Variants in EPHA6 observed in about 807,000 individuals in gnomAD.
The protein encoded by EPHA6 is ephrin type-A receptor 6.
EPHA6 carries 50 observed loss-of-function variants against 112.0 expected under a neutral mutation model. The observed-to-expected ratio is 0.45, with a 90% CI of 0.36 to 0.56. The LOEUF (loss-of-function observed/expected upper bound fraction) is 0.56, where lower values mean the gene tolerates loss of function less well. Ranked by LOEUF, EPHA6 falls within the 20% of genes least tolerant of loss-of-function variation. EPHA6 has a pLI of 0.00. For missense variants in EPHA6, 1,280 were observed against 1,417.4 expected (o/e 0.90, Z 1.56); for synonymous variants, 529 against 490.7 (o/e 1.08, Z -1.03).
At chr3:97,085,946 T>TAC (rs1553701207) in intron 3 of EPHA6, among the ~76,000 whole-genome samples, 3 of 145,048 alleles carry the variant, frequency 2.1e-5, no homozygotes, top group Non-Finnish European at 4.4e-5. Context: ...TATATATATA[T>TAC]ATACACACTG....
chr3:97,591,459 C>G (rs553175127), intron 11 of EPHA6, among the ~76,000 whole-genome samples: 1 of 152,118 alleles, frequency 6.6e-6, no homozygotes, highest in South Asian at 2.1e-4. Flanking sequence ...AAAGGAAAGA[C>G]CCCAGGATTC....
intron 13 of EPHA6, among the ~76,000 whole-genome samples, chr3:97,617,953 T>C (rs893597018): frequency 2.0e-5 from 3 of 152,152 alleles, no homozygotes; most frequent in Non-Finnish European, 4.4e-5. Flanking sequence ...TAAAGACCTC[T>C]CCACTCCAAT....
intron 11 of EPHA6, among the ~76,000 whole-genome samples, chr3:97,545,360 A>G (rs1322018864): frequency 6.6e-6 from 1 of 152,078 alleles, no homozygotes; most frequent in Non-Finnish European, 1.5e-5. Context: ...TTCAGTTTCC[A>G]TGTAGTTTAG....
rs537640548 is a variant in EPHA6, at chr3:97,407,843, C to T, written c.1731+2569C>T. Among the ~76,000 whole-genome samples, 4 of 152,154 alleles carry T rather than the reference C, an allele frequency of 2.6e-5. No individual in the cohort carries two copies. In the East Asian group the frequency reaches 7.7e-4, roughly 29 times the overall value. ...TCTGCTCCCAACTTCTCAGTCCTCC[C>T]CTTCAAAACAGTCCAAACCCGCTTC... is the stretch of plus-strand genomic sequence containing the variant. On this transcript the variant is annotated intron_variant, in intron 6 of 17. Coordinates refer to ENST00000389672, the MANE Select transcript of EPHA6 (RefSeq NM_001080448.3).
At chr3:97,715,448 T>C (rs2034172269) in intron 14 of EPHA6, among the ~76,000 whole-genome samples, 1 of 152,222 alleles carries the variant, frequency 6.6e-6, no homozygotes, top group African/African-American at 2.4e-5. Flanking sequence ...TAGTATAATA[T>C]ATACTCATTA....
intron 2 of EPHA6, among the ~76,000 whole-genome samples, chr3:96,906,237 CTCTG>C (rs2038928094): frequency 6.6e-6 from 1 of 152,032 alleles, no homozygotes; most frequent in African/African-American, 2.4e-5. Context: ...TACTTTCTCT[CTCTG>C]TCTCTTTGTT....
At chr3:97,517,831 C>A (rs1466351792) in intron 10 of EPHA6, among the ~76,000 whole-genome samples, 1 of 152,030 alleles carries the variant, frequency 6.6e-6, no homozygotes, top group African/African-American at 2.4e-5. Flanking sequence ...AATTCCACAT[C>A]GGAGATCATG....
At chr3:97,156,678 T>A (rs1391768484) in intron 3 of EPHA6, among the ~76,000 whole-genome samples, 1 of 152,170 alleles carries the variant, frequency 6.6e-6, no homozygotes, top group East Asian at 1.9e-4. Flanking sequence ...ATGCTTGATA[T>A]TTTAAGTTAT....
intron 5 of EPHA6, among the ~76,000 whole-genome samples, chr3:97,358,420 T>G (rs949619028): frequency 3.2e-4 from 48 of 152,150 alleles, no homozygotes; most frequent in African/African-American, 1.2e-3. Context: ...ACACTGTATA[T>G]TCCCAAAATT....
Position 96,886,499 on chromosome 3 carries a change from A to G in EPHA6, c.450+19610A>G, listed in dbSNP as rs952794516. Among the ~76,000 whole-genome samples, 3 of 152,056 alleles carry G rather than the reference A, an allele frequency of 2.0e-5. No homozygotes were observed. The South Asian group carries it at 6.2e-4, about 32-fold the overall frequency. On this transcript the variant is annotated intron_variant, in intron 2 of 17. Transcript: ENST00000389672. ...GTCTGATACAAAAATAACTACCCTT[A>G]CTTGCTTCTGGTGGCTATTTGTATG...
intron 11 of EPHA6, among the ~76,000 whole-genome samples, chr3:97,577,437 C>A (rs556579943): frequency 7.2e-5 from 11 of 152,164 alleles, no homozygotes; most frequent in African/African-American, 2.6e-4. Flanking sequence ...AACTTTCTTT[C>A]CTTCCTTTCT....
chr3:97,207,598 G>A lies in EPHA6; in HGVS notation c.1115-18666G>A, dbSNP rs76580614. Among the ~76,000 whole-genome samples, 6 of 152,210 alleles carry A rather than the reference G, an allele frequency of 3.9e-5. No individual in the cohort carries two copies. In the South Asian group the frequency reaches 1.2e-3, roughly 32 times the overall value. On this transcript the variant is annotated intron_variant, in intron 3 of 17. Transcript: ENST00000389672. ...GCATATGTATAAAATTGATTAACTGGAGGGTTTGTTTTGCATAAAACAAGG... is the reference window on the plus strand; with the variant it reads ...GCATATGTATAAAATTGATTAACTGAAGGGTTTGTTTTGCATAAAACAAGG...
At chr3:97,353,951 G>A (rs1577067955) in intron 5 of EPHA6, among the ~76,000 whole-genome samples, 1 of 152,134 alleles carries the variant, frequency 6.6e-6, no homozygotes, top group Admixed American at 6.5e-5. Flanking sequence ...ATTTGTTTGA[G>A]GGAAAGTAAG....
At position 97,611,519 on chromosome 3, in the gene EPHA6, C is replaced by A. The variant is rs573072354; in HGVS notation, c.2574+665C>A. Among the ~76,000 whole-genome samples the A allele has an allele frequency of 4.9e-4, 74 of 151,738 alleles. No homozygotes were observed. In the South Asian group the frequency reaches 8.5e-3, roughly 17 times the overall value. ...TAGATTTCAAGGTATATTTATAATACATTTAAGATTTGAAAAAGCATCATG... is the reference window on the plus strand; with the variant it reads ...TAGATTTCAAGGTATATTTATAATAAATTTAAGATTTGAAAAAGCATCATG... On this transcript the variant is annotated intron_variant, in intron 13 of 17. Transcript: ENST00000389672.
rs1421511592 is a variant in EPHA6 at position 97,428,005 on chromosome 3, C to T, written c.1732-20563C>T. Among the ~76,000 whole-genome samples the T allele has an allele frequency of 2.0e-5, 3 of 152,072 alleles. No homozygotes were observed. In the East Asian group the frequency reaches 5.8e-4, roughly 29 times the overall value. On this transcript the variant is annotated intron_variant, in intron 6 of 17. Coordinates refer to ENST00000389672, the MANE Select transcript of EPHA6 (RefSeq NM_001080448.3). ...TAATCTATACCCCAAATCCCTGCAA[C>T]ACACAATTTATGTAACAAACCTGCA... is the stretch of plus-strand genomic sequence containing the variant.
intron 4 of EPHA6, among the ~76,000 whole-genome samples, chr3:97,242,204 C>T (rs1202428811): frequency 1.3e-5 from 2 of 151,754 alleles, no homozygotes; most frequent in African/African-American, 4.8e-5. Flanking sequence ...AGAAAACTAT[C>T]CATACTCATT....
chr3:97,010,242 T>C, intron 3 of EPHA6: 1 of 467,388 alleles, frequency 2.1e-6, no homozygotes. Context: ...TGTAATATCA[T>C]GTAATAACTT....
intron 6 of EPHA6, among the ~76,000 whole-genome samples, chr3:97,433,991 T>C (rs2089672112): frequency 6.6e-6 from 1 of 152,166 alleles, no homozygotes; most frequent in African/African-American, 2.4e-5. Flanking sequence ...TATGTTAGAC[T>C]AAGTACTTTG....
At chr3:96,860,573 C>A (rs2035951501) in intron 1 of EPHA6, among the ~76,000 whole-genome samples, 1 of 151,942 alleles carries the variant, frequency 6.6e-6, no homozygotes, top group Non-Finnish European at 1.5e-5. Context: ...ATGTCCAAAG[C>A]CCATAAAAGA....
Sources: gnomAD v4.1 joint callset for allele counts (sites outside exome capture counted in the v4.1 genomes callset) on GRCh38, gnomAD v4.1.1 for gene constraint, MANE v1.5 for transcripts, NCBI Gene and HGNC (gene_info 2026-07-23, HGNC 2026-07-21) for gene names.